The following CEP164 variants were observed in gnomAD, a reference collection of about 807,000 sequenced individuals.
CEP164 encodes the protein centrosomal protein 164, also known as centrosomal protein of 164 kDa.
Under a neutral mutation model 182.7 loss-of-function variants are expected in CEP164, and 162 were observed. The observed-to-expected ratio is 0.89, with a 90% CI of 0.78 to 1.01. The LOEUF (loss-of-function observed/expected upper bound fraction) is 1.01. CEP164 is among the 50% of genes least tolerant of loss of function. The pLI is 0.00. For missense variants in CEP164, 1,735 were observed against 1,790.4 expected (o/e 0.97, Z 0.56); for synonymous variants, 661 against 690.0 (o/e 0.96, Z 0.66).
intron 2 of CEP164, chr11:117,336,448 G>A: frequency 7.1e-7 from 1 of 1,417,590 alleles, no homozygotes; most frequent in Non-Finnish European, 9.9e-7. Context: ...CTGTGGTACA[G>A]GATGAGGGGC....
At chr11:117,363,821 G>C (rs2041306093) in intron 8 of CEP164, 1 of 188,942 alleles carries the variant, frequency 5.3e-6, no homozygotes, top group African/African-American at 2.7e-5. Context: ...GCCCAGCTTG[G>C]AGTACAGTGG....
At chr11:117,407,233 G>C (rs1246658540) in intron 27 of CEP164, among the ~76,000 whole-genome samples, 4 of 152,228 alleles carry the variant, frequency 2.6e-5, no homozygotes, top group Admixed American at 2.6e-4. Context: ...GCTTCCCAGG[G>C]TTATATACAT....
rs184801907 is a variant in CEP164, at chr11:117,358,672, A to G, written c.394-3163A>G. ...AATCCTCCCGAGTAGCTGGGACTAC[A>G]GATGTGTACCACTATACCCAGCTAA... On this transcript the variant is annotated intron_variant, in intron 5 of 32. Coordinates refer to ENST00000278935, the MANE Select transcript of CEP164 (RefSeq NM_014956.5). 2.8e-4 allele frequency among the ~76,000 whole-genome samples: 43 copies of G among 152,040 alleles called. 1 individual carries two copies. The East Asian group carries it at 7.7e-3, about 27-fold the overall frequency.
chr11:117,336,708 CTGGG>C (rs2037187342), intron 2 of CEP164: 6 of 726,598 alleles, frequency 8.3e-6, no homozygotes, highest in Non-Finnish European at 1.2e-5. Context: ...TTTTTAATGG[CTGGG>C]CCTTTCTGCT....
chr11:117,342,959 C>G (rs1368983150), intron 3 of CEP164, among the ~76,000 whole-genome samples: 1 of 152,088 alleles, frequency 6.6e-6, no homozygotes, highest in Non-Finnish European at 1.5e-5. Flanking sequence ...TCATTGCTGG[C>G]TGTCTCTTCT....
At chr11:117,397,709 A>C (rs1456473075) in intron 27 of CEP164, among the ~76,000 whole-genome samples, 1 of 152,144 alleles carries the variant, frequency 6.6e-6, no homozygotes, top group African/African-American at 2.4e-5. Flanking sequence ...TCATAAACCC[A>C]TCAGGATCTC....
intron 3 of CEP164, among the ~76,000 whole-genome samples, chr11:117,339,567 C>G (rs2037790355): frequency 2.5e-5 from 3 of 120,990 alleles, no homozygotes; most frequent in South Asian, 5.8e-4. Flanking sequence ...CTCACTCTGT[C>G]ACCCAGGCTG....
chr11:117,400,316 G>A (rs1467115688), intron 27 of CEP164, among the ~76,000 whole-genome samples: 1 of 152,172 alleles, frequency 6.6e-6, no homozygotes, highest in Non-Finnish European at 1.5e-5. Flanking sequence ...CGCTATTTCT[G>A]AGGCCTCTGT....
intron 8 of CEP164, among the ~76,000 whole-genome samples, chr11:117,364,798 T>G (rs1479315641): frequency 1.3e-5 from 2 of 152,142 alleles, no homozygotes; most frequent in Non-Finnish European, 2.9e-5. Flanking sequence ...GTGCCCAGCC[T>G]AGGACTCTTT....
At chr11:117,362,671 C>T (rs1380562133) in intron 7 of CEP164, 133 bp downstream of exon 7, 3 of 968,284 alleles carry the variant, frequency 3.1e-6, no homozygotes, top group Non-Finnish European at 4.6e-6. Context: ...AGTTAAAATT[C>T]AGTGGTATTA....
At chr11:117,365,618 C>T (rs954915937) in intron 8 of CEP164, among the ~76,000 whole-genome samples, 1 of 152,020 alleles carries the variant, frequency 6.6e-6, no homozygotes, top group Non-Finnish European at 1.5e-5. Flanking sequence ...TCACTCTTGT[C>T]CCCCAGGCTG....
intron 5 of CEP164, chr11:117,355,029 A>G: frequency 2.3e-6 from 3 of 1,289,764 alleles, no homozygotes; most frequent in Non-Finnish European, 3.0e-6. Flanking sequence ...GACCTAGATC[A>G]AGAGATGCAG....
intron 1 of CEP164, among the ~76,000 whole-genome samples, chr11:117,331,029 C>T (rs1234819732): frequency 6.6e-6 from 1 of 152,226 alleles, no homozygotes; most frequent in Non-Finnish European, 1.5e-5. Context: ...TTACCTTCTC[C>T]AGTCAATCTT....
Position 117,391,332 on chromosome 11 carries a change from C to T in CEP164, c.2283+117C>T, listed in dbSNP as rs547575344. On this transcript the variant is annotated intron_variant, in intron 17 of 32. Coordinates refer to ENST00000278935, the MANE Select transcript of CEP164 (RefSeq NM_014956.5). ...CGGGTGGGCGTGCAGGCTGGGGAGC[C>T]AGGTGGAGAGTAGGTCTCACACACA... 27 of 951,576 alleles carry T rather than the reference C, an allele frequency of 2.8e-5. No homozygotes were observed. The Admixed American group carries it at 6.0e-4, about 21-fold the overall frequency. The allele number at this position is 951,576 out of a possible 1,614,324, so 58.9% of individuals were successfully genotyped here. A position where few individuals can be genotyped will look rare whatever the true frequency, so the allele number is the denominator to read the frequency against.
intron 14 of CEP164, chr11:117,385,920 T>C (rs1002674992): frequency 1.3e-5 from 2 of 152,238 alleles, no homozygotes; most frequent in Non-Finnish European, 2.9e-5. Context: ...TCTTCCTCTC[T>C]CTATAGTCTC....
chr11:117,395,262 C>T, intron 23 of CEP164, 71 bp downstream of exon 23: 2 of 1,547,750 alleles, frequency 1.3e-6, no homozygotes, highest in Non-Finnish European at 1.8e-6. Flanking sequence ...CTGTTCCCCA[C>T]ATTTTGTTCA....
intron 5 of CEP164, chr11:117,355,686 G>A: frequency 1.7e-6 from 2 of 1,189,116 alleles, no homozygotes; most frequent in Non-Finnish European, 2.1e-6. Flanking sequence ...GGGAGCATAG[G>A]CAGCGGGAGG....
rs2047061806 is a variant in CEP164, at chr11:117,409,334, C to A, written c.3749-284C>A. On this transcript the variant is annotated intron_variant, in intron 29 of 32. Transcript: ENST00000278935. This position sits in a 1 kb window ranked among gnomAD's most constrained non-coding sequence, Gnocchi z 4.4. ...GGCTTTTCTCTCTCAGCTGCCCTGG[C>A]CTGTATGTGACAGAAGGGCCCTCTC... 3 of 578,074 alleles carry A rather than the reference C, an allele frequency of 5.2e-6. No homozygotes were observed. Among genetic ancestry groups the A allele is most frequent in the Admixed American group, 3.0e-5 (1 of 33,044 alleles). The allele number at this position is 578,074 out of a possible 1,614,324, so 35.8% of individuals were successfully genotyped here.
At chr11:117,365,046 A>C (rs1198414144) in intron 8 of CEP164, among the ~76,000 whole-genome samples, 1 of 152,208 alleles carries the variant, frequency 6.6e-6, no homozygotes, top group African/African-American at 2.4e-5. Context: ...CTGAAATGAC[A>C]ACTTTATTTT....
Sources: gnomAD v4.1 joint callset for allele counts (sites outside exome capture counted in the v4.1 genomes callset) on GRCh38, gnomAD v4.1.1 for gene constraint, Gnocchi (gnomAD v3.1) non-coding constraint, MANE v1.5 for transcripts, NCBI Gene and HGNC (gene_info 2026-07-23, HGNC 2026-07-21) for gene names.